BRINP3: variants seen among roughly 807,000 people sequenced by gnomAD.
BRINP3 encodes BMP/retinoic acid-inducible neural-specific protein 3.
Under a neutral mutation model 71.0 loss-of-function variants are expected in BRINP3, and 19 were observed. The observed-to-expected ratio is 0.27, with a 90% confidence interval of 0.19 to 0.39. BRINP3 has a LOEUF of 0.39. BRINP3 is among the 10% of genes least tolerant of loss of function. The pLI is 1.00. For missense variants in BRINP3, 959 were observed against 940.8 expected, an observed-to-expected ratio of 1.02 and a Z score of -0.25; for synonymous variants, 380 against 337.7, an observed-to-expected ratio of 1.13 and a Z score of -1.37.
At chr1:190,440,536 T>C (rs1036482406) in intron 2 of BRINP3, among the ~76,000 whole-genome samples, 4 of 151,990 alleles carry the variant, frequency 2.6e-5, no homozygotes, top group African/African-American at 9.7e-5. Context: ...TTAATTATAA[T>C]GGAATGTCAT....
At chr1:190,172,827 G>A (rs1445614199) in intron 6 of BRINP3, among the ~76,000 whole-genome samples, 1 of 152,128 alleles carries the variant, frequency 6.6e-6, no homozygotes, top group Admixed American at 6.6e-5. Flanking sequence ...CCCACGAACA[G>A]ATACAGCAGC....
rs1403249925 is a variant in BRINP3 at position 190,157,535 on chromosome 1, TCAATTTGC to T, written c.1184+3125_1184+3132del. Among the ~76,000 whole-genome samples, 4 of 152,214 alleles carry T rather than the reference TCAATTTGC, an allele frequency of 2.6e-5. No individual in the cohort carries two copies. The East Asian group carries it at 7.7e-4, about 29-fold the overall frequency. On this transcript the variant is annotated intron_variant, in intron 7 of 7. Coordinates refer to ENST00000367462, the MANE Select transcript of BRINP3 (RefSeq NM_199051.3). ...GTCAATGTCTTTATAACCAGACTCA[TCAATTTGC>T]TTCCTAATTCACCTCATCTTCTTGC...
chr1:190,212,809 T>A (rs1656098695), intron 6 of BRINP3, among the ~76,000 whole-genome samples: 1 of 152,100 alleles, frequency 6.6e-6, no homozygotes, highest in African/African-American at 2.4e-5. Context: ...TCAGCCTGAG[T>A]CCAGGAGTGA....
chr1:190,209,069 A>AT lies in BRINP3; in HGVS notation c.961+17012dup, dbSNP rs958642920. Reference sequence around the variant, plus strand: ...GAAAATACAGTAAATATTTACTATGATTTTTTTGTAGAAAATCAAACTTAA... The same window carrying AT: ...GAAAATACAGTAAATATTTACTATGATTTTTTTTGTAGAAAATCAAACTTAA... On this transcript the variant is annotated intron_variant, in intron 6 of 7. Coordinates refer to ENST00000367462, the MANE Select transcript of BRINP3 (RefSeq NM_199051.3). Among the ~76,000 whole-genome samples, 7 of 152,154 alleles carry AT rather than the reference A, an allele frequency of 4.6e-5. No individual in the cohort carries two copies. The East Asian group carries it at 1.2e-3, about 25-fold the overall frequency.
At chr1:190,128,633 C>T (rs1428410057) in intron 7 of BRINP3, among the ~76,000 whole-genome samples, 1 of 151,736 alleles carries the variant, frequency 6.6e-6, no homozygotes, top group Non-Finnish European at 1.5e-5. Flanking sequence ...ACTCAATACA[C>T]ATTATTTGTT....
Position 190,160,842 on chromosome 1 carries a change from T to C in BRINP3, c.1010A>G (p.Asn337Ser), listed in dbSNP as rs770029165. ...CCACAAATGCATTATAGTAGATGTG[T>C]TGAGGAAATAATTCATAGGTAGCCT... ...MKRLPMNYFL[N>S]TSTIMHLWTM... Residue 337 changes from asparagine to serine, a missense_variant, in exon 7 of 8, where the codon AAC (asparagine) becomes AGC (serine). Asn to Ser is a conservative substitution (Grantham distance 46). Transcript: ENST00000367462. 1 of 1,612,914 alleles carries C rather than the reference T, an allele frequency of 6.2e-7. No homozygotes were observed. The highest frequency in any genetic ancestry group is 8.5e-7 in the Non-Finnish European group (1 of 1,179,494).
chr1:190,299,118 ACTT>A (rs1476101660), intron 2 of BRINP3, among the ~76,000 whole-genome samples: 1 of 151,984 alleles, frequency 6.6e-6, no homozygotes, highest in African/African-American at 2.4e-5. Context: ...TATAGTCACT[ACTT>A]CTTTTTCTGA....
intron 6 of BRINP3, among the ~76,000 whole-genome samples, chr1:190,218,707 A>G (rs1656619128): frequency 6.6e-6 from 1 of 151,288 alleles, no homozygotes. Flanking sequence ...ACTTTGCAAC[A>G]TTTGATGATC....
intron 2 of BRINP3, among the ~76,000 whole-genome samples, chr1:190,421,500 C>T (rs1302307780): frequency 1.3e-5 from 2 of 151,328 alleles, no homozygotes; most frequent in Admixed American, 1.3e-4. Context: ...CTATATATAA[C>T]TATGACCATA....
chr1:190,311,912 A>G (rs987500495), intron 2 of BRINP3, among the ~76,000 whole-genome samples: 1 of 150,290 alleles, frequency 6.7e-6, no homozygotes, highest in African/African-American at 2.4e-5. Flanking sequence ...AAATACTCAC[A>G]TACCTAGAGG....
intron 2 of BRINP3, among the ~76,000 whole-genome samples, chr1:190,366,570 C>T (rs1462211091): frequency 6.6e-6 from 1 of 152,080 alleles, no homozygotes; most frequent in East Asian, 1.9e-4. Context: ...TCAACAGCCC[C>T]CCAAAGTCTT....
intron 2 of BRINP3, among the ~76,000 whole-genome samples, chr1:190,438,937 T>C (rs1355725329): frequency 6.6e-6 from 1 of 151,920 alleles, no homozygotes; most frequent in Non-Finnish European, 1.5e-5. Context: ...AGAAAGATAT[T>C]CCACTAGTAT....
intron 2 of BRINP3, among the ~76,000 whole-genome samples, chr1:190,422,000 T>A (rs1019977864): frequency 6.6e-6 from 1 of 151,838 alleles, no homozygotes; most frequent in Non-Finnish European, 1.5e-5. Context: ...TTCTAAGAAG[T>A]ATAGCTTTCC....
chr1:190,170,377 T>G (rs1485364078), intron 6 of BRINP3, among the ~76,000 whole-genome samples: 3 of 152,140 alleles, frequency 2.0e-5, no homozygotes, highest in African/African-American at 4.8e-5. Context: ...AGACAGCATA[T>G]TACATATACT....
intron 2 of BRINP3, among the ~76,000 whole-genome samples, chr1:190,387,273 A>C (rs1670972455): frequency 6.6e-6 from 1 of 152,028 alleles, no homozygotes; most frequent in Non-Finnish European, 1.5e-5. Flanking sequence ...TAATAACAAA[A>C]GTTAGAGGAT....
intron 2 of BRINP3, among the ~76,000 whole-genome samples, chr1:190,425,136 T>A (rs931580981): frequency 6.6e-6 from 1 of 151,560 alleles, no homozygotes; most frequent in Non-Finnish European, 1.5e-5. Flanking sequence ...TTTAAAATAA[T>A]GACAGACAAT....
chr1:190,438,424 T>C (rs1380633225), intron 2 of BRINP3, among the ~76,000 whole-genome samples: 1 of 151,666 alleles, frequency 6.6e-6, no homozygotes, highest in Non-Finnish European at 1.5e-5. Flanking sequence ...GATGATATAA[T>C]GGTCACACAA....
chr1:190,406,725 T>C (rs1672307650), intron 2 of BRINP3, among the ~76,000 whole-genome samples: 1 of 152,156 alleles, frequency 6.6e-6, no homozygotes, highest in South Asian at 2.1e-4. Context: ...AAAAAATAAG[T>C]GTTACATGTA....
intron 6 of BRINP3, among the ~76,000 whole-genome samples, chr1:190,185,370 G>C (rs1653421453): frequency 6.6e-6 from 1 of 151,942 alleles, no homozygotes; most frequent in Non-Finnish European, 1.5e-5. Flanking sequence ...CTGGTCATCA[G>C]GGAAATGCAA....
Sources: gnomAD v4.1 joint callset for allele counts (sites outside exome capture counted in the v4.1 genomes callset) on GRCh38, gnomAD v4.1.1 for gene constraint, MANE v1.5 for transcripts, NCBI Gene and HGNC (gene_info 2026-07-23, HGNC 2026-07-21) for gene names.